The following PCDH7 variants were observed in gnomAD, a reference collection of about 807,000 sequenced individuals.
PCDH7 encodes protocadherin 7.
PCDH7 carries 17 observed loss-of-function variants against 58.9 expected under a neutral mutation model. That is an observed-to-expected ratio of 0.29 (90% confidence interval 0.20 to 0.43). The LOEUF (loss-of-function observed/expected upper bound fraction) is 0.43. Among genes scored for constraint, PCDH7 ranks in the 20% least tolerant of loss-of-function variants. PCDH7 has a pLI of 1.00. For synonymous variants in PCDH7, 664 were observed against 616.4 expected, an observed-to-expected ratio of 1.08 and a Z score of -1.14; for missense variants, 1,274 against 1,441.0, an observed-to-expected ratio of 0.88 and a Z score of 1.88.
chr4:30,913,979 G>T (rs768107516), intron 1 of PCDH7, among the ~76,000 whole-genome samples: 1 of 151,974 alleles, frequency 6.6e-6, no homozygotes, highest in African/African-American at 2.4e-5. Flanking sequence ...CACTGTAATC[G>T]CACACCCCTT....
chr4:31,079,345 TATATATATATATATATATAC>T (rs1220340348), intron 3 of PCDH7, among the ~76,000 whole-genome samples: 28 of 74,172 alleles, frequency 3.8e-4, no homozygotes, highest in African/African-American at 2.1e-4. Context: ...TATATATATA[TATATATATATATATATATAC>T]ACCACATTTT....
At chr4:30,958,634 A>C (rs1748089880) in intron 3 of PCDH7, among the ~76,000 whole-genome samples, 1 of 151,980 alleles carries the variant, frequency 6.6e-6, no homozygotes, top group African/African-American at 2.4e-5. Flanking sequence ...ATTTTAACAA[A>C]ATTAATTTAA....
intron 3 of PCDH7, among the ~76,000 whole-genome samples, chr4:31,093,515 C>G (rs946106611): frequency 1.3e-5 from 2 of 152,014 alleles, no homozygotes; most frequent in Non-Finnish European, 2.9e-5. Context: ...TTTTCTTGAA[C>G]AACATAAGGC....
chr4:30,775,960 C>A (rs747831569), intron 1 of PCDH7, among the ~76,000 whole-genome samples: 2 of 152,052 alleles, frequency 1.3e-5, no homozygotes, highest in Non-Finnish European at 2.9e-5. Flanking sequence ...ACAAGTGTAA[C>A]GCTTGGCGAT....
intron 3 of PCDH7, among the ~76,000 whole-genome samples, chr4:30,950,663 T>C (rs999739573): frequency 6.6e-6 from 1 of 152,218 alleles, no homozygotes; most frequent in Non-Finnish European, 1.5e-5. Flanking sequence ...ATAATTATAA[T>C]ACTCATCTGG....
intron 1 of PCDH7, among the ~76,000 whole-genome samples, chr4:30,749,015 T>C (rs1347717902): frequency 1.3e-5 from 2 of 152,200 alleles, no homozygotes; most frequent in African/African-American, 2.4e-5. Context: ...TTAACCATTA[T>C]TATACTAGTA....
intron 1 of PCDH7, among the ~76,000 whole-genome samples, chr4:30,825,152 A>T (rs1036534599): frequency 6.6e-6 from 1 of 152,126 alleles, no homozygotes; most frequent in Non-Finnish European, 1.5e-5. Context: ...CACATTAGAC[A>T]CTAGGTAATA....
intron 2 of PCDH7, among the ~76,000 whole-genome samples, chr4:30,949,200 T>C (rs1189502045): frequency 2.0e-5 from 3 of 152,156 alleles, no homozygotes; most frequent in African/African-American, 4.8e-5. Flanking sequence ...ACATCTATTT[T>C]TGCAAGTTTA....
chr4:30,963,378 A>G (rs1289727389), intron 3 of PCDH7, among the ~76,000 whole-genome samples: 1 of 152,138 alleles, frequency 6.6e-6, no homozygotes, highest in Non-Finnish European at 1.5e-5. Context: ...AGAGCCCTAA[A>G]TTATGAAGTT....
chr4:30,759,236 C>T (rs1328399259), intron 1 of PCDH7, among the ~76,000 whole-genome samples: 1 of 152,130 alleles, frequency 6.6e-6, no homozygotes, highest in African/African-American at 2.4e-5. Context: ...GCCACTGCGC[C>T]TGGCCTCTTT....
intron 3 of PCDH7, among the ~76,000 whole-genome samples, chr4:31,104,820 G>A (rs149155202): frequency 2.3e-4 from 35 of 152,250 alleles, no homozygotes; most frequent in South Asian, 6.2e-4. Context: ...AAGTATGAGC[G>A]TATTGATCAA....
chr4:30,979,133 T>C (rs1750328092), intron 3 of PCDH7, among the ~76,000 whole-genome samples: 1 of 151,906 alleles, frequency 6.6e-6, no homozygotes, highest in South Asian at 2.1e-4. Context: ...GAGACCATCC[T>C]GGCTAACACA....
chr4:30,994,370 C>T (rs747085599), intron 3 of PCDH7, among the ~76,000 whole-genome samples: 1 of 152,118 alleles, frequency 6.6e-6, no homozygotes, highest in Non-Finnish European at 1.5e-5. Context: ...CCCATGACAG[C>T]TTTGTTGTAC....
chr4:30,778,711 A>G (rs1170805061), intron 1 of PCDH7, among the ~76,000 whole-genome samples: 1 of 152,174 alleles, frequency 6.6e-6, no homozygotes, highest in East Asian at 1.9e-4. Context: ...TTAAAAGGAT[A>G]CCGGTGTAAC....
At chr4:30,826,761 T>A (rs986807401) in intron 1 of PCDH7, among the ~76,000 whole-genome samples, 1 of 152,094 alleles carries the variant, frequency 6.6e-6, no homozygotes, top group African/African-American at 2.4e-5. Flanking sequence ...GGTCTCGTTT[T>A]GTCACCCAGG....
chr4:30,740,636 A>C (rs1402991240), intron 1 of PCDH7, among the ~76,000 whole-genome samples: 1 of 151,814 alleles, frequency 6.6e-6, no homozygotes, highest in Non-Finnish European at 1.5e-5. Context: ...TTAAAAGTAC[A>C]TTTTGTTTAC....
chr4:31,110,141 A>G (rs1716100703), intron 3 of PCDH7, among the ~76,000 whole-genome samples: 1 of 152,204 alleles, frequency 6.6e-6, no homozygotes, highest in South Asian at 2.1e-4. Flanking sequence ...TGAATGGTAA[A>G]TACTATTTTT....
At chr4:30,729,650 CTT>C (rs1553874400) in intron 1 of PCDH7, among the ~76,000 whole-genome samples, 2 of 151,880 alleles carry the variant, frequency 1.3e-5, no homozygotes, top group Non-Finnish European at 2.9e-5. Context: ...ATGTATGAAA[CTT>C]TTTATGCATT....
chr4:30,837,056 A>G (rs1427455944), intron 1 of PCDH7, among the ~76,000 whole-genome samples: 1 of 152,162 alleles, frequency 6.6e-6, no homozygotes, highest in Non-Finnish European at 1.5e-5. Flanking sequence ...TGACAGATAC[A>G]CGAAGTCTAG....
Sources: allele counts gnomAD v4.1 joint callset (sites outside exome capture counted in the v4.1 genomes callset), GRCh38; gene constraint gnomAD v4.1.1; transcripts MANE v1.5; gene names NCBI Gene and HGNC (gene_info 2026-07-23, HGNC 2026-07-21).